PPFIBP2: variants seen among roughly 807,000 people sequenced by gnomAD.
PPFIBP2 encodes PPFIB scaffold protein 2.
A neutral mutation model predicts 118.3 loss-of-function variants in PPFIBP2; 118 were observed. The observed-to-expected ratio is 1.00, with a 90% CI of 0.86 to 1.16. PPFIBP2 has a LOEUF of 1.16. Among genes scored for constraint, PPFIBP2 ranks in the 50% most tolerant of loss-of-function variants. The pLI, the probability that PPFIBP2 is intolerant of heterozygous loss-of-function variation, is 0.00. For missense variants in PPFIBP2, 1,195 were observed against 1,073.1 expected (o/e 1.11, Z -1.59); for synonymous variants, 414 against 397.4 (o/e 1.04, Z -0.50).
At chr11:7,598,282 T>A in intron 5 of PPFIBP2, 1 of 323,172 alleles carries the variant, frequency 3.1e-6, no homozygotes, top group Non-Finnish European at 6.1e-6. Context: ...GTATGCTTAA[T>A]ATTATATTTT....
At position 7,549,368 on chromosome 11, in the gene PPFIBP2, A is replaced by T. The variant is rs1852689326; in HGVS notation, c.-36-72A>T. On this transcript the variant is annotated intron_variant, in intron 1 of 23. Coordinates refer to ENST00000299492, the MANE Select transcript of PPFIBP2 (RefSeq NM_003621.5). ...ACGTTGTGTGATGATGGAATGAAAG[A>T]TTTTTGCGATCTTGTGTGCGTAACA... 5.2e-6 allele frequency: 7 copies of T among 1,340,858 alleles called. No homozygotes were observed. In the African/African-American group the frequency reaches 5.9e-5, roughly 11 times the overall value. The allele number at this position is 1,340,858 out of a possible 1,614,324, so 83.1% of individuals were successfully genotyped here.
chr11:7,620,771 G>A (rs912612032), intron 6 of PPFIBP2, among the ~76,000 whole-genome samples, 164 bp from the exon 7 acceptor site: 11 of 152,070 alleles, frequency 7.2e-5, no homozygotes, highest in African/African-American at 2.4e-4. Context: ...GTTTTTTAAC[G>A]GCCATACAGC....
chr11:7,664,693 C>T, the PPFIBP2 span, among the ~76,000 whole-genome samples: 5 of 152,174 alleles, frequency 3.3e-5, no homozygotes, highest in Middle Eastern at 0.01. Context: ...GGGAGCCAGG[C>T]CCTGGAGTGT....
chr11:7,620,676 A>G (rs1849242037), intron 6 of PPFIBP2, among the ~76,000 whole-genome samples: 1 of 152,228 alleles, frequency 6.6e-6, no homozygotes, highest in African/African-American at 2.4e-5. Context: ...GAGGACATAG[A>G]TGTCAGAGAA....
intron 18 of PPFIBP2, 119 bp from the exon 19 acceptor site, chr11:7,648,681 C>T: frequency 1.4e-6 from 2 of 1,438,066 alleles, no homozygotes; most frequent in Non-Finnish European, 1.9e-6. Flanking sequence ...GTTGGCATCC[C>T]AGGGCACGGT....
intron 2 of PPFIBP2, 58 bp from the exon 3 acceptor site, chr11:7,565,495 G>T: frequency 6.4e-7 from 1 of 1,570,596 alleles, no homozygotes. Context: ...CTCTTTACTA[G>T]TACCTTGCTC....
At chr11:7,641,391 C>T (rs1037777188) in intron 15 of PPFIBP2, 88 bp from the exon 16 acceptor site, 8 of 1,440,476 alleles carry the variant, frequency 5.6e-6, no homozygotes, top group Non-Finnish European at 7.6e-6. Context: ...TCTGGACTCC[C>T]ACTGAAGGGG....
chr11:7,539,927 C>T (rs1387769090), intron 1 of PPFIBP2, among the ~76,000 whole-genome samples: 4 of 152,180 alleles, frequency 2.6e-5, no homozygotes, highest in Non-Finnish European at 4.4e-5. Flanking sequence ...TGAACTCCCA[C>T]CCAGTTTTGA....
chr11:7,545,625 A>T (rs1393930531), intron 1 of PPFIBP2, among the ~76,000 whole-genome samples: 1 of 152,178 alleles, frequency 6.6e-6, no homozygotes, highest in Non-Finnish European at 1.5e-5. Context: ...GGTACCATCC[A>T]CTGTTTCAGG....
downstream of PPFIBP2, among the ~76,000 whole-genome samples, chr11:7,658,525 T>C (rs1365460685): frequency 1.3e-4 from 10 of 79,448 alleles, no homozygotes; most frequent in Non-Finnish European, 1.7e-4. Context: ...ATGTGCCACA[T>C]TTTCTTAATC....
chr11:7,647,568 G>A (rs1180768358), intron 17 of PPFIBP2, among the ~76,000 whole-genome samples: 1 of 152,114 alleles, frequency 6.6e-6, no homozygotes, highest in African/African-American at 2.4e-5. Context: ...TGCTATGAGT[G>A]GGATTTTTAA....
rs1419392480 is a variant in PPFIBP2, at chr11:7,628,279, T to C, written c.827-6T>C. The C allele has an allele frequency of 1.9e-6, 3 of 1,612,292 alleles. No homozygotes were observed. Among genetic ancestry groups the C allele is most frequent in the South Asian group, 1.1e-5 (1 of 90,998 alleles). On this transcript the variant is annotated splice_polypyrimidine_tract_variant and splice_region_variant and intron_variant, in intron 8 of 23. Coordinates refer to ENST00000299492, the MANE Select transcript of PPFIBP2 (RefSeq NM_003621.5). ...AATAATTATTTCTATACCTGAATTCTTTTAGACCAAGAAATTCAACGTCTG... is the reference window on the plus strand; with the variant it reads ...AATAATTATTTCTATACCTGAATTCCTTTAGACCAAGAAATTCAACGTCTG...
chr11:7,518,606 T>A (rs1849448623), intron 1 of PPFIBP2, among the ~76,000 whole-genome samples: 1 of 152,094 alleles, frequency 6.6e-6, no homozygotes, highest in African/African-American at 2.4e-5. Flanking sequence ...CCTGGTCTTC[T>A]GGGGTGAGGG....
rs1041743920 is a variant in PPFIBP2, at chr11:7,603,017, A to C, written c.486+5344A>C. Among the ~76,000 whole-genome samples, 9 of 152,346 alleles carry C rather than the reference A, an allele frequency of 5.9e-5. No individual in the cohort carries two copies. In the South Asian group the frequency reaches 1.9e-3, roughly 32 times the overall value. ...GCATGAGCTATCACACAGTGAGTCA[A>C]GACACTGAGCCTAAGACACAGGCCT... On this transcript the variant is annotated intron_variant, in intron 5 of 23. Transcript: ENST00000299492.
intron 1 of PPFIBP2, among the ~76,000 whole-genome samples, chr11:7,514,397 C>T (rs974485909): frequency 1.3e-5 from 2 of 152,228 alleles, no homozygotes; most frequent in African/African-American, 4.8e-5. Context: ...AGTCCGCACT[C>T]CTGCAGGTGC....
At chr11:7,642,096 C>T (rs899579420) in intron 16 of PPFIBP2, 4 of 571,028 alleles carry the variant, frequency 7.0e-6, no homozygotes, top group African/African-American at 5.7e-5. Flanking sequence ...GACCAAATCC[C>T]AGAGGCAGGA....
intron 3 of PPFIBP2, among the ~76,000 whole-genome samples, chr11:7,583,677 A>T (rs780306386): frequency 3.0e-5 from 4 of 131,382 alleles, no homozygotes; most frequent in Admixed American, 7.9e-5. Context: ...AATTTTGGGG[A>T]AAAAAAAAAT....
At chr11:7,585,655 G>A (rs543781654) in intron 3 of PPFIBP2, among the ~76,000 whole-genome samples, 2 of 152,288 alleles carry the variant, frequency 1.3e-5, no homozygotes, top group African/African-American at 4.8e-5. Flanking sequence ...ATGGCATCAA[G>A]CACTCACCCT....
intron 3 of PPFIBP2, among the ~76,000 whole-genome samples, chr11:7,590,536 G>C (rs1049839309): frequency 8.5e-5 from 13 of 152,148 alleles, no homozygotes; most frequent in African/African-American, 3.1e-4. Flanking sequence ...TATAGGAGGG[G>C]CAAATATGAG....
Sources: gnomAD v4.1 joint callset for allele counts (sites outside exome capture counted in the v4.1 genomes callset) on GRCh38, gnomAD v4.1.1 for gene constraint, MANE v1.5 for transcripts, NCBI Gene and HGNC (gene_info 2026-07-23, HGNC 2026-07-21) for gene names.